LDHB: variants seen among roughly 807,000 people sequenced by gnomAD.
LDHB encodes the protein L-lactate dehydrogenase B chain.
A neutral mutation model predicts 33.4 loss-of-function variants in LDHB; 18 were observed. The observed-to-expected ratio is 0.54, with a 90% CI of 0.37 to 0.80. The LOEUF is 0.80. Among genes scored for constraint, LDHB ranks in the 30% least tolerant of loss-of-function variants. The pLI, the probability that LDHB is intolerant of heterozygous loss-of-function variation, is 0.00. For synonymous variants in LDHB, 121 were observed against 140.6 expected, an observed-to-expected ratio of 0.86 and a Z score of 0.98; for missense variants, 345 against 407.9, an observed-to-expected ratio of 0.85 and a Z score of 1.33.
chr12:21,651,451 C>T (rs1339503634), intron 2 of LDHB, among the ~76,000 whole-genome samples: 1 of 152,130 alleles, frequency 6.6e-6, no homozygotes, highest in East Asian at 1.9e-4. Flanking sequence ...TACAAAGGGG[C>T]CTTAGTGGGC....
At chr12:21,641,023 G>A (rs1242820584) in intron 5 of LDHB, among the ~76,000 whole-genome samples, 1 of 152,092 alleles carries the variant, frequency 6.6e-6, no homozygotes, top group African/African-American at 2.4e-5. Flanking sequence ...CAGAATAAAT[G>A]ATGGAATTAG....
At chr12:21,649,697 G>T (rs527431451) in intron 2 of LDHB, among the ~76,000 whole-genome samples, 1 of 152,128 alleles carries the variant, frequency 6.6e-6, no homozygotes, top group East Asian at 1.9e-4. Context: ...TTAATCTAAA[G>T]TCCTGTGTGG....
In LDHB at chr12:21,640,206, T is replaced by C. The variant is rs938247185; in HGVS notation, c.596-1736A>G. Among the ~76,000 whole-genome samples, 161 of 151,506 alleles carry C rather than the reference T, an allele frequency of 1.1e-3. 1 individual carries two copies. Among genetic ancestry groups the C allele is most frequent in the African/African-American group, 3.6e-3 (150 of 41,494 alleles). ...TATATTGTGGTTTAATAAACAGATT[T>C]AGATCTATGAAACAGAATCAAAATT... On this transcript the variant is annotated intron_variant, in intron 5 of 7. Transcript: ENST00000350669.
At chr12:21,650,589 A>T (rs1219390212) in intron 2 of LDHB, among the ~76,000 whole-genome samples, 2 of 152,234 alleles carry the variant, frequency 1.3e-5, no homozygotes, top group Non-Finnish European at 2.9e-5. Context: ...CCCTTACAAC[A>T]TGATGAGTTC....
intron 1 of LDHB, among the ~76,000 whole-genome samples, chr12:21,656,186 T>C (rs1938839100): frequency 6.6e-6 from 1 of 152,226 alleles, no homozygotes; most frequent in Non-Finnish European, 1.5e-5. Context: ...AGCATCTGAA[T>C]TTGGAGACAA....
intron 2 of LDHB, 78 bp from the exon 3 acceptor site, chr12:21,647,094 T>A: frequency 1.2e-6 from 1 of 814,764 alleles, no homozygotes; most frequent in Non-Finnish European, 2.1e-6. Context: ...CAAAGAAAGA[T>A]CTTTAACATG....
intron 5 of LDHB, among the ~76,000 whole-genome samples, chr12:21,639,745 T>C (rs1431410111): frequency 6.6e-6 from 1 of 151,926 alleles, no homozygotes; most frequent in Non-Finnish European, 1.5e-5. Context: ...AGTTATGGAG[T>C]TGACTTGCTA....
chr12:21,652,692 C>T (rs1456881914), intron 2 of LDHB, among the ~76,000 whole-genome samples: 2 of 151,884 alleles, frequency 1.3e-5, no homozygotes, highest in African/African-American at 4.8e-5. Flanking sequence ...GAAAGAAATG[C>T]AAAAGGATAG....
At chr12:21,652,751 G>C (rs949980655) in intron 2 of LDHB, among the ~76,000 whole-genome samples, 1 of 152,158 alleles carries the variant, frequency 6.6e-6, no homozygotes, top group Non-Finnish European at 1.5e-5. Flanking sequence ...AAACTAGCTA[G>C]AAGGAAATGC....
At chr12:21,639,555 T>C (rs188894031) in intron 5 of LDHB, among the ~76,000 whole-genome samples, 1 of 152,188 alleles carries the variant, frequency 6.6e-6, no homozygotes, top group Non-Finnish European at 1.5e-5. Flanking sequence ...CACCTAGCAA[T>C]GTATAACTAC....
intron 2 of LDHB, among the ~76,000 whole-genome samples, chr12:21,649,632 TA>T (rs5796917): frequency 0.95 from 143,723 of 152,054 alleles, 68,428 homozygotes; most frequent in East Asian, 1. Flanking sequence ...AAAATGGCTT[TA>T]AAAAAACCTA....
At chr12:21,648,393 C>T (rs532204797) in intron 2 of LDHB, among the ~76,000 whole-genome samples, 17 of 151,890 alleles carry the variant, frequency 1.1e-4, no homozygotes, top group African/African-American at 3.9e-4. Context: ...ATGTGGGTTT[C>T]GCATCCCCTG....
intron 2 of LDHB, among the ~76,000 whole-genome samples, chr12:21,651,455 A>G (rs1938686572): frequency 6.6e-6 from 1 of 152,236 alleles, no homozygotes; most frequent in African/African-American, 2.4e-5. Flanking sequence ...AAGGGGCCTT[A>G]GTGGGCTTCG....
chr12:21,636,279 A>AT (rs888032588), intron 7 of LDHB, among the ~76,000 whole-genome samples: 1 of 151,448 alleles, frequency 6.6e-6, no homozygotes, highest in Non-Finnish European at 1.5e-5. Context: ...TAGCCAACTT[A>AT]TGAGGTCCTG....
intron 5 of LDHB, among the ~76,000 whole-genome samples, chr12:21,639,612 G>C (rs942012492): frequency 1.4e-4 from 22 of 151,988 alleles, no homozygotes; most frequent in Non-Finnish European, 1.0e-4. Flanking sequence ...ATTGTACTAA[G>C]TACTTTTTAC....
intron 2 of LDHB, among the ~76,000 whole-genome samples, chr12:21,647,371 CTGAGATGG>C (rs1938554845): frequency 6.6e-6 from 1 of 152,114 alleles, no homozygotes; most frequent in Non-Finnish European, 1.5e-5. Context: ...TGGAGGCTTT[CTGAGATGG>C]TAGATTTGGC....
rs1160365622 is a variant in LDHB, at chr12:21,654,639, T to G, written c.33A>C (p.Pro11=). Residue 11 remains proline (P), a synonymous_variant, in exon 2 of 8, where the codon CCA becomes CCC. Transcript: ENST00000350669. MATLKEKLIA[P]VAEEEATVPN... ...GAACTGTTGCCTCTTCTTCCGCAAC[T>G]GGTGCAATGAGTTTTTCCTTAAGAG... is the stretch of plus-strand genomic sequence containing the variant. 6.2e-7 allele frequency: 1 copy of G among 1,614,048 alleles called. No homozygotes were observed.
intron 2 of LDHB, among the ~76,000 whole-genome samples, chr12:21,647,380 T>C (rs1313792670): frequency 4.6e-5 from 7 of 152,140 alleles, no homozygotes; most frequent in African/African-American, 1.2e-4. Flanking sequence ...TCTGAGATGG[T>C]AGATTTGGCT....
chr12:21,639,280 T>C (rs1327661346), intron 5 of LDHB, among the ~76,000 whole-genome samples: 2 of 151,944 alleles, frequency 1.3e-5, no homozygotes, highest in Admixed American at 6.6e-5. Context: ...GTACACAATA[T>C]AGATCAACAT....
Sources: gnomAD v4.1 joint callset for allele counts (sites outside exome capture counted in the v4.1 genomes callset) on GRCh38, gnomAD v4.1.1 for gene constraint, MANE v1.5 for transcripts, NCBI Gene and HGNC (gene_info 2026-07-23, HGNC 2026-07-21) for gene names.